MLF1: variants seen among roughly 807,000 people sequenced by gnomAD.
The protein encoded by MLF1 is myeloid leukemia factor 1.
MLF1 carries 37 observed loss-of-function variants against 38.3 expected under a neutral mutation model. That is an observed-to-expected ratio of 0.96 (90% CI 0.74 to 1.27). MLF1 has a LOEUF of 1.27. Among genes scored for constraint, MLF1 ranks in the 50% most tolerant of loss-of-function variants. The pLI, the probability that MLF1 is intolerant of heterozygous loss-of-function variation, is 0.00. For missense variants in MLF1, 331 were observed against 349.2 expected, an observed-to-expected ratio of 0.95 and a Z score of 0.42; for synonymous variants, 95 against 106.5, an observed-to-expected ratio of 0.89 and a Z score of 0.66.
intron 3 of MLF1, among the ~76,000 whole-genome samples, chr3:158,595,941 A>G (rs1718812655): frequency 6.6e-6 from 1 of 152,166 alleles, no homozygotes. Flanking sequence ...TCTTCCAGTG[A>G]TAAAACCTAA....
chr3:158,598,823 T>C (rs1274914745), intron 5 of MLF1, among the ~76,000 whole-genome samples: 3 of 152,216 alleles, frequency 2.0e-5, no homozygotes. Flanking sequence ...CTGGAGTTTA[T>C]CATTTTCACG....
chr3:158,573,253 G>C (rs143763255), intron 1 of MLF1: 1 of 151,506 alleles, frequency 6.6e-6, no homozygotes, highest in African/African-American at 2.4e-5. Context: ...GTTGTTGGAA[G>C]TTGCCATGCC....
chr3:158,605,414 C>A lies in MLF1; in HGVS notation c.*212C>A. ...TTTCAACAATGTGAGTAAATTGAGT[C>A]TATTTAATGTAAAACTCTTTAAAAC... On this transcript the variant is annotated 3_prime_UTR_variant, in exon 8 of 8. Transcript: ENST00000466246. The A allele has an allele frequency of 2.4e-6, 1 of 409,878 alleles. No individual in the cohort carries two copies. Among genetic ancestry groups the A allele is most frequent in the South Asian group, 6.9e-5 (1 of 14,522 alleles). 25.4% of individuals were successfully genotyped at this position (409,878 alleles called of 1,614,324 possible).
At chr3:158,582,709 A>G in intron 1 of MLF1, 1 of 502,586 alleles carries the variant, frequency 2.0e-6, no homozygotes, top group Non-Finnish European at 3.5e-6. Flanking sequence ...GTTGAGAGGA[A>G]AAAAACCCAC....
intron 1 of MLF1, among the ~76,000 whole-genome samples, chr3:158,574,459 G>A (rs1715058269): frequency 6.8e-6 from 1 of 148,000 alleles, no homozygotes. Flanking sequence ...CCAGAGGTCA[G>A]GAGTTGGAGA....
At chr3:158,592,677 C>G in intron 2 of MLF1, 96 bp downstream of exon 2, 2 of 1,012,070 alleles carry the variant, frequency 2.0e-6, no homozygotes, top group Non-Finnish European at 2.8e-6. Flanking sequence ...TAGGATATGA[C>G]TAATATTCTT....
intron 1 of MLF1, among the ~76,000 whole-genome samples, chr3:158,581,031 A>C (rs568654402): frequency 6.6e-6 from 1 of 152,298 alleles, no homozygotes; most frequent in Admixed American, 6.5e-5. Context: ...CTGAGAAAAC[A>C]ACTTTTCTTG....
At chr3:158,587,867 GGCGTGCGCCTGTAGTCCCA>G (rs1717473882) in intron 1 of MLF1, among the ~76,000 whole-genome samples, 1 of 152,156 alleles carries the variant, frequency 6.6e-6, no homozygotes, top group Non-Finnish European at 1.5e-5. Flanking sequence ...CGGGCCTGGC[GGCGTGCGCCTGTAGTCCCA>G]GCTGCTGGGG....
At position 158,605,287 on chromosome 3, in the gene MLF1, G is replaced by T. The variant is rs1197011258; in HGVS notation, c.*85G>T. On this transcript the variant is annotated 3_prime_UTR_variant, in exon 8 of 8. Coordinates refer to ENST00000466246, the MANE Select transcript of MLF1 (RefSeq NM_001369783.1). The stretch of plus-strand genomic sequence containing the variant: ...GTAATAAGCATAAGACCAATCTCTT[G>T]CTGTTAAATCAGTTCTGTCCTTGGC... 3 of 1,046,328 alleles carry T rather than the reference G, an allele frequency of 2.9e-6. No homozygotes were observed. The highest frequency in any genetic ancestry group is 1.6e-5 in the South Asian group (1 of 61,026). 64.8% of individuals were successfully genotyped at this position (1,046,328 alleles called of 1,614,324 possible).
chr3:158,592,574 CT>C lies in MLF1; in HGVS notation c.191del (p.Leu64Ter). On this transcript the variant is annotated frameshift_variant, in exon 2 of 8. Transcript: ENST00000466246. LOFTEE classifies it high-confidence loss of function. The part of the protein sequence containing the change: ...NRRGHNDGED[S>X]LTATSCSLVP... ...AGAGGACATAATGATGGTGAAGATT[CT>C]TTGACTGTAAGTTCTTTTTTTTAAG... 6.2e-7 allele frequency: 1 copy of C among 1,600,300 alleles called. No individual in the cohort carries two copies. The highest frequency in any genetic ancestry group is 1.1e-5 in the South Asian group (1 of 89,066).
At chr3:158,589,678 T>G (rs1191604105) in intron 1 of MLF1, among the ~76,000 whole-genome samples, 1 of 152,228 alleles carries the variant, frequency 6.6e-6, no homozygotes, top group African/African-American at 2.4e-5. Flanking sequence ...TCCTATTGCT[T>G]CTATAACAAA....
At chr3:158,585,383 T>C (rs1338332634) in intron 1 of MLF1, among the ~76,000 whole-genome samples, 3 of 152,164 alleles carry the variant, frequency 2.0e-5, no homozygotes, top group African/African-American at 7.2e-5. Flanking sequence ...AGTGGAAGCA[T>C]CCTGAAGTTC....
Position 158,587,844 on chromosome 3 carries a change from G to A in MLF1, c.48-4590G>A, listed in dbSNP as rs939402359. Reference sequence around the variant, plus strand: ...TGAAACCCCATCTCTACTAAAAATAGAAAAAAATTAGCCGGGCCTGGCGGC... The same window carrying A: ...TGAAACCCCATCTCTACTAAAAATAAAAAAAAATTAGCCGGGCCTGGCGGC... On this transcript the variant is annotated intron_variant, in intron 1 of 7. Transcript: ENST00000466246. 6.3e-4 allele frequency among the ~76,000 whole-genome samples: 96 copies of A among 151,992 alleles called. 2 individuals carry two copies. Among genetic ancestry groups the A allele is most frequent in the Admixed American group, 1.0e-3 (16 of 15,268 alleles).
intron 7 of MLF1, among the ~76,000 whole-genome samples, chr3:158,604,892 G>C (rs985288934): frequency 1.3e-5 from 2 of 152,088 alleles, no homozygotes; most frequent in Non-Finnish European, 2.9e-5. Flanking sequence ...CTCTTAACTT[G>C]TGATCTGCCT....
At chr3:158,587,744 T>C (rs1446492019) in intron 1 of MLF1, among the ~76,000 whole-genome samples, 2 of 152,198 alleles carry the variant, frequency 1.3e-5, no homozygotes, top group South Asian at 4.1e-4. Flanking sequence ...CCCACGCCCG[T>C]AATCCCAGCA....
At chr3:158,601,299 G>A (rs1296396108) in intron 6 of MLF1, among the ~76,000 whole-genome samples, 1 of 152,136 alleles carries the variant, frequency 6.6e-6, no homozygotes, top group African/African-American at 2.4e-5. Flanking sequence ...GCCCGGCACA[G>A]TGACTCACGC....
intron 3 of MLF1, among the ~76,000 whole-genome samples, chr3:158,594,478 A>T (rs1718612533): frequency 1.3e-5 from 2 of 152,048 alleles, no homozygotes; most frequent in Admixed American, 6.6e-5. Context: ...CCGTAGAAGG[A>T]GAGTAAACAT....
chr3:158,598,310 TGGG>T (rs935153188), intron 5 of MLF1, 102 bp downstream of exon 5: 1 of 612,924 alleles, frequency 1.6e-6, no homozygotes. Context: ...TACAAGATGG[TGGG>T]GGGACAGGAG....
At chr3:158,588,948 T>G (rs770120745) in intron 1 of MLF1, 4 of 453,680 alleles carry the variant, frequency 8.8e-6, no homozygotes, top group African/African-American at 2.0e-5. Context: ...ACTAAAATAC[T>G]TGGGCCAGAG....
Sources: gnomAD v4.1 joint callset for allele counts (sites outside exome capture counted in the v4.1 genomes callset) on GRCh38, gnomAD v4.1.1 for gene constraint, MANE v1.5 for transcripts, NCBI Gene and HGNC (gene_info 2026-07-23, HGNC 2026-07-21) for gene names.